POMT2: variants seen among roughly 807,000 people sequenced by gnomAD.
POMT2 encodes protein O-mannosyltransferase 2.
A neutral mutation model predicts 100.0 loss-of-function variants in POMT2; 75 were observed. The observed-to-expected ratio is 0.75, with a 90% confidence interval of 0.62 to 0.91. The LOEUF (loss-of-function observed/expected upper bound fraction) is 0.91, where lower values mean the gene tolerates loss of function less well. Ranked by LOEUF, POMT2 falls within the 40% of genes least tolerant of loss-of-function variation. POMT2 has a pLI of 0.00. For synonymous variants in POMT2, 378 were observed against 374.1 expected (o/e 1.01, Z -0.12); for missense variants, 940 against 955.1 (o/e 0.98, Z 0.21).
chr14:77,293,767 G>A (rs1019604070), intron 9 of POMT2, among the ~76,000 whole-genome samples: 1 of 152,126 alleles, frequency 6.6e-6, no homozygotes, highest in Non-Finnish European at 1.5e-5. Context: ...CCACCATCAC[G>A]TTTCACACCT....
intron 3 of POMT2, among the ~76,000 whole-genome samples, chr14:77,305,721 A>G (rs1463036928): frequency 6.6e-6 from 1 of 152,234 alleles, no homozygotes; most frequent in African/African-American, 2.4e-5. Context: ...CACACGTTCA[A>G]GGTTCCCAAA....
rs1309545702 is a variant in POMT2, at chr14:77,277,223, A to G, written c.*153T>C. 4.3e-6 allele frequency: 3 copies of G among 695,686 alleles called. No homozygotes were observed. Among genetic ancestry groups the G allele is most frequent in the African/African-American group, 1.8e-5 (1 of 56,974 alleles). The allele number at this position is 695,686 out of a possible 1,614,324, so 43.1% of individuals were successfully genotyped here. A position where few individuals can be genotyped will look rare whatever the true frequency, so the allele number is the denominator to read the frequency against. On this transcript the variant is annotated 3_prime_UTR_variant, in exon 21 of 21. Coordinates refer to ENST00000261534, the MANE Select transcript of POMT2 (RefSeq NM_013382.7). The stretch of plus-strand genomic sequence containing the variant: ...CCGGCTCTCTCCAATGCTGGGTTCC[A>G]TTCCAGCTGCACTCCCAGAGCTGGG...
intron 11 of POMT2, chr14:77,287,561 T>TGTAC (rs1890478821): frequency 7.4e-6 from 1 of 135,670 alleles, no homozygotes; most frequent in Non-Finnish European, 1.5e-5. Flanking sequence ...TATATATATA[T>TGTAC]ACCCACACAC....
At chr14:77,305,456 C>A (rs1891191828) in intron 3 of POMT2, among the ~76,000 whole-genome samples, 1 of 152,106 alleles carries the variant, frequency 6.6e-6, no homozygotes, top group Non-Finnish European at 1.5e-5. Context: ...TTGTCACATC[C>A]AATTATGTAT....
At position 77,288,816 on chromosome 14, in the gene POMT2, G is replaced by A; in HGVS notation, c.1199C>T (p.Ser400Phe). The A allele has an allele frequency of 6.2e-7, 1 of 1,613,906 alleles. No individual in the cohort carries two copies. Among genetic ancestry groups the A allele is most frequent in the Non-Finnish European group, 8.5e-7 (1 of 1,179,914 alleles). The change falls in exon 11 of 21, where the codon TCC becomes TTC. Residue 400 changes from serine to phenylalanine, a missense_variant. By Grantham distance (155) the Ser-to-Phe change is radical. Coordinates refer to ENST00000261534, the MANE Select transcript of POMT2 (RefSeq NM_013382.7). ...ATGTCTTACAAACTCCACTGGGAAG[G>A]AAGGGTCTAGGGGATCTGCCAAAAA... ...HNTNSDPLDP[S>F]FPVEFVRHGD... is the part of the protein sequence containing the mutation.
chr14:77,303,424 C>A (rs1362671712), intron 4 of POMT2, among the ~76,000 whole-genome samples: 4 of 152,136 alleles, frequency 2.6e-5, no homozygotes, highest in Non-Finnish European at 5.9e-5. Flanking sequence ...TGCTTAAACC[C>A]TCCAATGTCT....
intron 1 of POMT2, chr14:77,320,176 T>C (rs961558863): frequency 3.2e-6 from 2 of 615,966 alleles, no homozygotes; most frequent in Non-Finnish European, 5.6e-6. Flanking sequence ...AGCCAGGTGA[T>C]GCACTGTAGC....
At chr14:77,293,856 G>A (rs1451456042) in intron 9 of POMT2, among the ~76,000 whole-genome samples, 9 of 152,168 alleles carry the variant, frequency 5.9e-5, no homozygotes, top group Non-Finnish European at 1.3e-4. Context: ...TTTGCACAGT[G>A]TAGATGTTCT....
At chr14:77,298,819 G>C in intron 7 of POMT2, 48 bp from the exon 8 acceptor site, 1 of 1,553,668 alleles carries the variant, frequency 6.4e-7, no homozygotes, top group Non-Finnish European at 8.8e-7. Flanking sequence ...AGGAGTGAAA[G>C]TGTGATTTCC....
At chr14:77,300,570 C>T (rs553792530) in intron 6 of POMT2, 48 of 171,268 alleles carry the variant, frequency 2.8e-4, no homozygotes, top group Non-Finnish European at 4.6e-4. Context: ...CTGTAATCCC[C>T]GCACTTTGGG....
chr14:77,316,269 A>G (rs2139532571), intron 1 of POMT2, among the ~76,000 whole-genome samples: 1 of 152,316 alleles, frequency 6.6e-6, no homozygotes, highest in South Asian at 2.1e-4. Context: ...AGGGTTTAAC[A>G]AGCCTCACTG....
intron 14 of POMT2, 22 bp downstream of exon 14, chr14:77,284,928 C>A: frequency 6.4e-7 from 1 of 1,568,726 alleles, no homozygotes; most frequent in East Asian, 2.2e-5. Context: ...CCAGAGCCAG[C>A]CCAGAAAGTG....
At chr14:77,283,496 C>T (rs1244603650) in intron 15 of POMT2, among the ~76,000 whole-genome samples, 1 of 152,198 alleles carries the variant, frequency 6.6e-6, no homozygotes, top group Non-Finnish European at 1.5e-5. Context: ...GTTCCCTCTC[C>T]TGTAACTGGG....
At chr14:77,298,622 C>T in intron 8 of POMT2, 67 bp downstream of exon 8, 3 of 1,553,964 alleles carry the variant, frequency 1.9e-6, no homozygotes, top group Non-Finnish European at 2.7e-6. Flanking sequence ...TCATATTTGT[C>T]TTTTCCAATT....
chr14:77,299,342 G>C (rs1246905020), intron 7 of POMT2, 113 bp downstream of exon 7: 1 of 918,594 alleles, frequency 1.1e-6, no homozygotes, highest in African/African-American at 1.6e-5. Flanking sequence ...AAAGCCCCTG[G>C]GGTCCCTCAC....
intron 8 of POMT2, among the ~76,000 whole-genome samples, chr14:77,297,196 G>A (rs1890863809): frequency 6.6e-6 from 1 of 152,184 alleles, no homozygotes; most frequent in Non-Finnish European, 1.5e-5. Flanking sequence ...GAGTTCTCAG[G>A]CAGGCCAACC....
chr14:77,295,631 C>T (rs1260554346), intron 9 of POMT2, among the ~76,000 whole-genome samples: 1 of 83,264 alleles, frequency 1.2e-5, no homozygotes, highest in African/African-American at 4.6e-5. Flanking sequence ...GACTCCATCT[C>T]AAAAAAAAAA....
Position 77,284,955 on chromosome 14 carries a change from G to C in POMT2, c.1571C>G (p.Pro524Arg). 6.2e-7 allele frequency: 1 copy of C among 1,606,942 alleles called. No homozygotes were observed. The highest frequency in any genetic ancestry group is 8.5e-7 in the Non-Finnish European group (1 of 1,173,492). The change falls in exon 14 of 21, where the codon CCC (proline) becomes CGC (arginine). Residue 524 changes from proline to arginine, a missense_variant. Coordinates refer to ENST00000261534, the MANE Select transcript of POMT2 (RefSeq NM_013382.7). ...SIWNVEDHIN[P>R]KLPNISLDVL... ...CAGAAAGTGACCTCACTCACACTTG[G>C]GATTGATATGGTCCTCCACATTCCA...
intron 6 of POMT2, chr14:77,300,417 G>A (rs748608048): frequency 2.6e-5 from 4 of 155,118 alleles, no homozygotes; most frequent in Non-Finnish European, 4.3e-5. Context: ...GATAATGAAG[G>A]TAAAGCGTTT....
Sources: allele counts gnomAD v4.1 joint callset (sites outside exome capture counted in the v4.1 genomes callset), GRCh38; gene constraint gnomAD v4.1.1; transcripts MANE v1.5; gene names NCBI Gene and HGNC (gene_info 2026-07-23, HGNC 2026-07-21).